Variants in ENTREP2 observed in about 807,000 individuals in gnomAD.
The protein encoded by ENTREP2 is endosomal transmembrane epsin interactor 2.
the ENTREP2 span, among the ~76,000 whole-genome samples, chr15:29,470,619 G>A: frequency 0.51 from 77,564 of 151,864 alleles, 21,018 homozygotes; most frequent in African/African-American, 0.72. Flanking sequence ...AAACGCTGCC[G>A]GAAGCCACAA....
At chr15:29,202,102 T>C in the ENTREP2 span, among the ~76,000 whole-genome samples, 1 of 152,210 alleles carries the variant, frequency 6.6e-6, no homozygotes, top group Non-Finnish European at 1.5e-5. Context: ...TGATGTCTGC[T>C]GGGTCTGTAG....
At chr15:29,672,710 C>T in the ENTREP2 span, among the ~76,000 whole-genome samples, 2 of 152,072 alleles carry the variant, frequency 1.3e-5, no homozygotes, top group African/African-American at 4.8e-5. Context: ...TATTACTACT[C>T]AAACCAGTCT....
the ENTREP2 span, among the ~76,000 whole-genome samples, chr15:29,541,283 C>T: frequency 2.0e-5 from 3 of 152,206 alleles, no homozygotes; most frequent in Non-Finnish European, 4.4e-5. Context: ...TCTGTTCACT[C>T]GCTCCTTCCG....
the ENTREP2 span, among the ~76,000 whole-genome samples, chr15:29,620,310 T>C: frequency 3.9e-5 from 6 of 152,028 alleles, no homozygotes; most frequent in Non-Finnish European, 8.8e-5. Flanking sequence ...AGACAGGGAA[T>C]TGGGAGAAAC....
chr15:29,442,972 G>A, the ENTREP2 span, among the ~76,000 whole-genome samples: 20 of 152,170 alleles, frequency 1.3e-4, no homozygotes, highest in African/African-American at 4.8e-4. Flanking sequence ...ACAGAAACCA[G>A]GGGCAGGGAC....
the ENTREP2 span, among the ~76,000 whole-genome samples, chr15:29,479,364 A>G: frequency 6.6e-6 from 1 of 152,144 alleles, no homozygotes; most frequent in African/African-American, 2.4e-5. Context: ...CACAGCCTGC[A>G]GAACCAAGAG....
At chr15:29,376,081 A>T in the ENTREP2 span, 1 of 152,146 alleles carries the variant, frequency 6.6e-6, no homozygotes, top group Non-Finnish European at 1.5e-5. Context: ...AAGTAGATTT[A>T]CTTTGCTTTA....
At chr15:29,207,269 G>A in the ENTREP2 span, among the ~76,000 whole-genome samples, 2 of 152,162 alleles carry the variant, frequency 1.3e-5, no homozygotes, top group African/African-American at 4.8e-5. Flanking sequence ...GTCCAGAATT[G>A]GTTCCCGCCC....
chr15:29,177,018 G>A, the ENTREP2 span, among the ~76,000 whole-genome samples: 61,352 of 151,974 alleles, frequency 0.4, 12,810 homozygotes, highest in East Asian at 0.55. Flanking sequence ...GATACTGCAG[G>A]GCCCAGGACT....
the ENTREP2 span, among the ~76,000 whole-genome samples, chr15:29,206,686 T>C: frequency 6.6e-6 from 1 of 152,108 alleles, no homozygotes; most frequent in Non-Finnish European, 1.5e-5. Flanking sequence ...GGTATGTTTT[T>C]TTGAGGTGAT....
At chr15:29,206,642 C>T in the ENTREP2 span, among the ~76,000 whole-genome samples, 3,400 of 152,110 alleles carry the variant, frequency 0.022, 68 homozygotes, top group Admixed American at 0.042. Context: ...CAGTCGGGGA[C>T]AGGGGCCAAT....
At chr15:29,522,395 A>G in the ENTREP2 span, among the ~76,000 whole-genome samples, 1 of 152,364 alleles carries the variant, frequency 6.6e-6, no homozygotes, top group South Asian at 2.1e-4. Context: ...AATAAAAATG[A>G]TGTCAACAAA....
At chr15:29,442,036 C>A in the ENTREP2 span, among the ~76,000 whole-genome samples, 2 of 152,212 alleles carry the variant, frequency 1.3e-5, no homozygotes, top group Admixed American at 1.3e-4. Context: ...TCCTCTCCAG[C>A]ATCTATGCTC....
the ENTREP2 span, among the ~76,000 whole-genome samples, chr15:29,646,325 T>C: frequency 6.6e-6 from 1 of 152,290 alleles, no homozygotes; most frequent in South Asian, 2.1e-4. Context: ...GGCTGGGTTT[T>C]TATCTGAAGG....
chr15:29,356,311 T>A, the ENTREP2 span, among the ~76,000 whole-genome samples: 3 of 109,400 alleles, frequency 2.7e-5, no homozygotes, highest in African/African-American at 1.0e-4. Context: ...TTTTTTTTTT[T>A]TTTTTTTTTT....
the ENTREP2 span, chr15:29,265,109 A>G: frequency 1.3e-5 from 2 of 152,164 alleles, no homozygotes; most frequent in Non-Finnish European, 1.5e-5. Flanking sequence ...CTGAAGGGGT[A>G]ACTAAATAGC....
At chr15:29,536,291 A>G in the ENTREP2 span, among the ~76,000 whole-genome samples, 2 of 152,274 alleles carry the variant, frequency 1.3e-5, no homozygotes, top group Admixed American at 1.3e-4. Context: ...CTAAAACTAC[A>G]GCAGCCTTCT....
At chr15:29,498,892 T>C in the ENTREP2 span, among the ~76,000 whole-genome samples, 1 of 152,214 alleles carries the variant, frequency 6.6e-6, no homozygotes, top group Admixed American at 6.5e-5. Flanking sequence ...CCCTTTTTCA[T>C]TACATAATGA....
At chr15:29,577,040 C>T in the ENTREP2 span, among the ~76,000 whole-genome samples, 6 of 151,872 alleles carry the variant, frequency 4.0e-5, no homozygotes, top group African/African-American at 1.5e-4. Flanking sequence ...ATCTCCTGAC[C>T]TCATGATCTG....
Sources: gnomAD v4.1 joint callset for allele counts (sites outside exome capture counted in the v4.1 genomes callset) on GRCh38, gnomAD v4.1.1 for gene constraint, MANE v1.5 for transcripts, NCBI Gene and HGNC (gene_info 2026-07-23, HGNC 2026-07-21) for gene names.